The following CACNA2D3 variants were observed in gnomAD, a reference collection of about 807,000 sequenced individuals.
CACNA2D3 encodes the protein calcium voltage-gated channel auxiliary subunit alpha2delta 3, also known as voltage-dependent calcium channel subunit alpha-2/delta-3.
In CACNA2D3, 60 loss-of-function variants were observed where a neutral mutation model predicts 160.6. That is an observed-to-expected ratio of 0.37 (90% CI 0.30 to 0.46). The LOEUF is 0.46. CACNA2D3 is among the 20% of genes least tolerant of loss of function. The probability of loss-of-function intolerance (pLI) is 1.00; values close to 1 mark genes in which losing one functional copy is unlikely to be tolerated. For synonymous variants in CACNA2D3, 558 were observed against 492.9 expected, an observed-to-expected ratio of 1.13 and a Z score of -1.75; for missense variants, 1,205 against 1,365.0, an observed-to-expected ratio of 0.88 and a Z score of 1.85.
At chr3:54,782,094 A>G (rs982699048) in intron 13 of CACNA2D3, among the ~76,000 whole-genome samples, 10 of 152,328 alleles carry the variant, frequency 6.6e-5, no homozygotes, top group South Asian at 2.1e-4. Context: ...CCATTGTGGT[A>G]ATTGAGAAAA....
chr3:55,002,803 C>T (rs1327323082), intron 31 of CACNA2D3, among the ~76,000 whole-genome samples: 1 of 152,144 alleles, frequency 6.6e-6, no homozygotes, highest in African/African-American at 2.4e-5. Flanking sequence ...TTTGATCTTC[C>T]ATTTGGTCAA....
At chr3:54,457,450 T>G (rs1700419181) in intron 4 of CACNA2D3, among the ~76,000 whole-genome samples, 1 of 152,118 alleles carries the variant, frequency 6.6e-6, no homozygotes. Flanking sequence ...TTTAAAAACT[T>G]GTTGAGACTT....
At chr3:54,201,468 C>T (rs777137252) in intron 2 of CACNA2D3, among the ~76,000 whole-genome samples, 4 of 152,188 alleles carry the variant, frequency 2.6e-5, no homozygotes, top group Non-Finnish European at 5.9e-5. Flanking sequence ...GAACATTTCA[C>T]GTAGACTCCA....
At chr3:54,166,938 G>A (rs1279898958) in intron 2 of CACNA2D3, among the ~76,000 whole-genome samples, 2 of 152,142 alleles carry the variant, frequency 1.3e-5, no homozygotes, top group African/African-American at 2.4e-5. Context: ...TATTTTGCGG[G>A]AAGATTTTAT....
At chr3:54,521,338 A>C (rs1701643304) in intron 5 of CACNA2D3, among the ~76,000 whole-genome samples, 1 of 152,202 alleles carries the variant, frequency 6.6e-6, no homozygotes, top group Non-Finnish European at 1.5e-5. Context: ...TGACCATTTG[A>C]ATATGCTCTT....
chr3:54,482,990 G>A (rs1290352449), intron 4 of CACNA2D3, among the ~76,000 whole-genome samples: 1 of 152,164 alleles, frequency 6.6e-6, no homozygotes, highest in Non-Finnish European at 1.5e-5. Flanking sequence ...GGAACACTCT[G>A]TGAGCATTAC....
At chr3:54,329,898 T>C (rs977541108) in intron 3 of CACNA2D3, among the ~76,000 whole-genome samples, 1 of 152,204 alleles carries the variant, frequency 6.6e-6, no homozygotes, top group Non-Finnish European at 1.5e-5. Context: ...TTTTGGTCTT[T>C]ACTCAGTTTC....
intron 4 of CACNA2D3, among the ~76,000 whole-genome samples, chr3:54,480,525 A>C (rs181443481): frequency 4.7e-4 from 71 of 152,334 alleles, no homozygotes; most frequent in Admixed American, 9.8e-4. Context: ...AGTTACTGAA[A>C]TGAGGGTTTT....
intron 31 of CACNA2D3, among the ~76,000 whole-genome samples, chr3:54,994,383 G>T (rs554320836): frequency 6.6e-6 from 1 of 152,168 alleles, no homozygotes; most frequent in Non-Finnish European, 1.5e-5. Context: ...TAATGGCTTC[G>T]TGGCTTCCTG....
chr3:54,640,821 G>A (rs543322314), intron 10 of CACNA2D3, among the ~76,000 whole-genome samples: 12 of 152,132 alleles, frequency 7.9e-5, no homozygotes, highest in East Asian at 5.8e-4. Context: ...AGATCCACCC[G>A]AACTAGCCTC....
intron 27 of CACNA2D3, among the ~76,000 whole-genome samples, chr3:54,929,281 G>A (rs2106951747): frequency 6.6e-6 from 1 of 152,298 alleles, no homozygotes; most frequent in East Asian, 1.9e-4. Flanking sequence ...ATGGCCCAGA[G>A]TGTCTTCATA....
intron 2 of CACNA2D3, among the ~76,000 whole-genome samples, chr3:54,253,461 C>T (rs1340726995): frequency 6.6e-6 from 1 of 152,064 alleles, no homozygotes; most frequent in Admixed American, 6.6e-5. Context: ...GGAGGTGCCA[C>T]ACACTTTCAA....
At chr3:54,275,299 C>T (rs1335081341) in intron 2 of CACNA2D3, among the ~76,000 whole-genome samples, 2 of 152,144 alleles carry the variant, frequency 1.3e-5, no homozygotes, top group Non-Finnish European at 2.9e-5. Context: ...AGGGTGTGCA[C>T]CCCTCCCCTA....
At chr3:54,539,013 G>A (rs963307185) in intron 5 of CACNA2D3, among the ~76,000 whole-genome samples, 8 of 152,094 alleles carry the variant, frequency 5.3e-5, no homozygotes, top group East Asian at 1.9e-4. Context: ...CACTTTTGCC[G>A]TCTGTAAAAT....
At chr3:54,192,671 G>GGTGTGT (rs147191768) in intron 2 of CACNA2D3, among the ~76,000 whole-genome samples, 192 of 149,690 alleles carry the variant, frequency 1.3e-3, no homozygotes, top group East Asian at 5.5e-3. Context: ...CCATATGTGA[G>GGTGTGT]GTGTGTGTGT....
intron 3 of CACNA2D3, among the ~76,000 whole-genome samples, chr3:54,343,915 A>G (rs1021106628): frequency 2.6e-5 from 4 of 152,238 alleles, no homozygotes; most frequent in Non-Finnish European, 4.4e-5. Context: ...ATAGTATATT[A>G]TGATAATGTC....
At chr3:54,733,632 A>G (rs947607619) in intron 11 of CACNA2D3, among the ~76,000 whole-genome samples, 3 of 152,192 alleles carry the variant, frequency 2.0e-5, no homozygotes, top group African/African-American at 7.2e-5. Context: ...AGTTGTAGCT[A>G]ATTAGAGCAG....
chr3:55,070,260 G>A (rs1366646665), intron 35 of CACNA2D3, among the ~76,000 whole-genome samples: 1 of 152,230 alleles, frequency 6.6e-6, no homozygotes, highest in East Asian at 1.9e-4. Context: ...TTCAGTTGGA[G>A]TGATGAGGAC....
chr3:54,838,720 C>A, intron 16 of CACNA2D3, 72 bp downstream of exon 16: 1 of 1,128,262 alleles, frequency 8.9e-7, no homozygotes, highest in Non-Finnish European at 1.4e-6. Flanking sequence ...AAAGTTCAGG[C>A]TTCAAACTCT....
Sources: gnomAD v4.1 joint callset for allele counts (sites outside exome capture counted in the v4.1 genomes callset) on GRCh38, gnomAD v4.1.1 for gene constraint, MANE v1.5 for transcripts, NCBI Gene and HGNC (gene_info 2026-07-23, HGNC 2026-07-21) for gene names.